The following OR5H14 variants were observed in gnomAD, a reference collection of about 807,000 sequenced individuals.
OR5H14 encodes olfactory receptor family 5 subfamily H member 14, also known as olfactory receptor 5H14.
For synonymous variants in OR5H14, 155 were observed against 130.6 expected, an observed-to-expected ratio of 1.19 and a Z score of -1.28; for missense variants, 392 against 363.9, an observed-to-expected ratio of 1.08 and a Z score of -0.63.
chr3:98,148,690 T>A (rs546076038), intron 1 of OR5H14, among the ~76,000 whole-genome samples: 1 of 152,076 alleles, frequency 6.6e-6, no homozygotes, highest in Non-Finnish European at 1.5e-5. Context: ...ATATCACACA[T>A]GGACTAGACA....
chr3:98,151,521 C>G lies in OR5H14; in HGVS notation c.*1203C>G, dbSNP rs891116663. On this transcript the variant is annotated 3_prime_UTR_variant, in exon 2 of 2. Coordinates refer to ENST00000641380, the MANE Select transcript of OR5H14 (RefSeq NM_001005514.2). ...CGTTTTGCAAACCTCTAGTTATTTCCTCCACCCTTCTAGCACTCATTCATT... is the reference window on the plus strand; with the variant it reads ...CGTTTTGCAAACCTCTAGTTATTTCGTCCACCCTTCTAGCACTCATTCATT... 2.0e-5 allele frequency: 3 copies of G among 151,968 alleles called. No homozygotes were observed. Among genetic ancestry groups the G allele is most frequent in the Non-Finnish European group, 2.9e-5 (2 of 67,976 alleles). 9.4% of individuals were successfully genotyped at this position (151,968 alleles called of 1,614,324 possible). A position where few individuals can be genotyped will look rare whatever the true frequency, so the allele number is the denominator to read the frequency against.
chr3:98,150,073 T>A lies in OR5H14; in HGVS notation c.688T>A (p.Ser230Thr). 1 of 1,611,210 alleles carries A rather than the reference T, an allele frequency of 6.2e-7. No homozygotes were observed. The highest frequency in any genetic ancestry group is 1.1e-5 in the South Asian group (1 of 90,760). Reference sequence around the variant, plus strand: ...CCTCTATACAATCTTGAAAAAGAAGTCTGTCAAAGGTATGAGAAAAGCCTT... The same window carrying A: ...CCTCTATACAATCTTGAAAAAGAAGACTGTCAAAGGTATGAGAAAAGCCTT... ...FVLYTILKKK[S>T]VKGMRKAFST... The change falls in exon 2 of 2, where the codon TCT (serine) becomes ACT (threonine). Residue 230 changes from serine (S) to threonine (T), a missense_variant. Ser to Thr is a moderately conservative substitution (Grantham distance 58). Transcript: ENST00000641380.
chr3:98,148,986 G>A (rs1414107540), intron 1 of OR5H14, among the ~76,000 whole-genome samples: 1 of 151,968 alleles, frequency 6.6e-6, no homozygotes, highest in East Asian at 1.9e-4. Context: ...AAAGTATTTG[G>A]TGCATTCTTA....
rs1278277306 is a variant in OR5H14, at chr3:98,155,748, CT to C, written c.*5431del. ...TATTAAAATCATATTTTGACCAGCT[CT>C]GATGAGACCATATTAATCACAGCAT... On this transcript the variant is annotated 3_prime_UTR_variant, in exon 2 of 2. Coordinates refer to ENST00000641380, the MANE Select transcript of OR5H14 (RefSeq NM_001005514.2). The C allele has an allele frequency of 1.3e-5, 2 of 152,146 alleles. No individual in the cohort carries two copies. Among genetic ancestry groups the C allele is most frequent in the Non-Finnish European group, 2.9e-5 (2 of 68,014 alleles). The allele number at this position is 152,146 out of a possible 1,614,324, so 9.4% of individuals were successfully genotyped here.
chr3:98,150,358 C>T lies in OR5H14; in HGVS notation c.*40C>T, dbSNP rs1287538295. 2 of 1,359,100 alleles carry T rather than the reference C, an allele frequency of 1.5e-6. No individual in the cohort carries two copies. Among genetic ancestry groups the T allele is most frequent in the Non-Finnish European group, 2.0e-6 (2 of 1,018,194 alleles). 84.2% of individuals were successfully genotyped at this position (1,359,100 alleles called of 1,614,324 possible). A position where few individuals can be genotyped will look rare whatever the true frequency, so the allele number is the denominator to read the frequency against. On this transcript the variant is annotated 3_prime_UTR_variant, in exon 2 of 2. Transcript: ENST00000641380. Reference sequence around the variant, plus strand: ...CTCTTTTCTATTTACTAAAATGTCACAAAATTGTGCAAATTAGAGGTACCT... The same window carrying T: ...CTCTTTTCTATTTACTAAAATGTCATAAAATTGTGCAAATTAGAGGTACCT...
At position 98,149,776 on chromosome 3, in the gene OR5H14, C is replaced by A. The variant is rs1708474122; in HGVS notation, c.391C>A (p.Leu131Ile). Reference protein sequence around the residue: ...DRYVAICKPLLYPAIMTNGLC... With the variant: ...DRYVAICKPLIYPAIMTNGLC... The stretch of plus-strand genomic sequence containing the variant: ...CTATGTAGCCATATGCAAACCCTTA[C>A]TTTATCCAGCCATTATGACCAATGG... The change falls in exon 2 of 2, where the codon CTT (leucine) becomes ATT (isoleucine). Residue 131 changes from leucine to isoleucine, a missense_variant. Transcript: ENST00000641380. The A allele has an allele frequency of 6.2e-7, 1 of 1,612,554 alleles. No homozygotes were observed. Among genetic ancestry groups the A allele is most frequent in the Admixed American group, 1.7e-5 (1 of 59,908 alleles).
chr3:98,148,657 G>T lies in OR5H14; in HGVS notation c.-18-711G>T, dbSNP rs532712358. Among the ~76,000 whole-genome samples, 5 of 151,412 alleles carry T rather than the reference G, an allele frequency of 3.3e-5. No individual in the cohort carries two copies. The South Asian group carries it at 1.0e-3, about 31-fold the overall frequency. On this transcript the variant is annotated intron_variant, in intron 1 of 1. Coordinates refer to ENST00000641380, the MANE Select transcript of OR5H14 (RefSeq NM_001005514.2). Reference sequence around the variant, plus strand: ...TGGATTCCTTGGAATCTATTTCTTTGTCTTACCATCTCTTCCAATGTAATA... The same window carrying T: ...TGGATTCCTTGGAATCTATTTCTTTTTCTTACCATCTCTTCCAATGTAATA...
chr3:98,147,553 G>A lies in OR5H14; in HGVS notation c.-20G>A, dbSNP rs999406835. On this transcript the variant is annotated splice_region_variant and 5_prime_UTR_variant, in exon 1 of 2. An upstream start codon of the reference 5' UTR is lost. Transcript: ENST00000641380. ...TATCCACAATTTCTTTCAAAAATAT[G>A]GGTAAGGAAGAAATAATTTTTGTAA... 1.3e-5 allele frequency: 2 copies of A among 152,008 alleles called. No homozygotes were observed. Among genetic ancestry groups the A allele is most frequent in the African/African-American group, 4.8e-5 (2 of 41,414 alleles). The allele number at this position is 152,008 out of a possible 1,614,324, so 9.4% of individuals were successfully genotyped here.
At chr3:98,148,706 C>T (rs115076945) in intron 1 of OR5H14, among the ~76,000 whole-genome samples, 1,974 of 152,134 alleles carry the variant, frequency 0.013, 53 homozygotes, top group African/African-American at 0.044. Context: ...AGACATCTAG[C>T]ATTCATTTGA....
In OR5H14 at chr3:98,150,340, C is replaced by T. The variant is rs1165502632; in HGVS notation, c.*22C>T. The T allele has an allele frequency of 3.6e-5, 52 of 1,444,066 alleles. No homozygotes were observed. The highest frequency in any genetic ancestry group is 4.5e-5 in the Non-Finnish European group (49 of 1,081,736). The allele number at this position is 1,444,066 out of a possible 1,614,324, so 89.5% of individuals were successfully genotyped here. A position where few individuals can be genotyped will look rare whatever the true frequency, so the allele number is the denominator to read the frequency against. ...TTAGATCATTACTAATATCTCTTTTCTATTTACTAAAATGTCACAAAATTG... is the reference window on the plus strand; with the variant it reads ...TTAGATCATTACTAATATCTCTTTTTTATTTACTAAAATGTCACAAAATTG... On this transcript the variant is annotated 3_prime_UTR_variant, in exon 2 of 2. Coordinates refer to ENST00000641380, the MANE Select transcript of OR5H14 (RefSeq NM_001005514.2).
Position 98,152,875 on chromosome 3 carries a change from C to G in OR5H14, c.*2557C>G, listed in dbSNP as rs552823576. 2.0e-5 allele frequency: 2 copies of G among 98,190 alleles called. No homozygotes were observed. The highest frequency in any genetic ancestry group is 4.2e-5 in the Non-Finnish European group (2 of 47,788). The allele number at this position is 98,190 out of a possible 1,614,324, so 6.1% of individuals were successfully genotyped here. A position where few individuals can be genotyped will look rare whatever the true frequency, so the allele number is the denominator to read the frequency against. ...GGGTTTCTGTGTGCTTAGGTAGAAA[C>G]CCATTTTGCTGGAGCCACCTCAGCC... On this transcript the variant is annotated 3_prime_UTR_variant, in exon 2 of 2. Coordinates refer to ENST00000641380, the MANE Select transcript of OR5H14 (RefSeq NM_001005514.2).
Position 98,149,933 on chromosome 3 carries a change from C to G in OR5H14, c.548C>G (p.Pro183Arg), listed in dbSNP as rs1708480204. ...CAACACTTTTACTGTGACATTATCC[C>G]ATTGTTAAAGATTTCTTATACTGAT... ...IIQHFYCDII[P>R]LLKISYTDSS... is the part of the protein sequence containing the mutation. The change falls in exon 2 of 2, where the codon CCA (proline) becomes CGA (arginine). Residue 183 changes from proline (P) to arginine (R), a missense_variant. By Grantham distance (103) the Pro-to-Arg change is moderately radical. Transcript: ENST00000641380. 6.2e-7 allele frequency: 1 copy of G among 1,613,402 alleles called. No homozygotes were observed. Among genetic ancestry groups the G allele is most frequent in the East Asian group, 2.2e-5 (1 of 44,832 alleles).
Position 98,154,090 on chromosome 3 carries a change from G to C in OR5H14, c.*3772G>C, listed in dbSNP as rs1260520455. 6.6e-6 allele frequency: 1 copy of C among 152,148 alleles called. No homozygotes were observed. The highest frequency in any genetic ancestry group is 2.4e-5 in the African/African-American group (1 of 41,438). The allele number at this position is 152,148 out of a possible 1,614,324, so 9.4% of individuals were successfully genotyped here. On this transcript the variant is annotated 3_prime_UTR_variant, in exon 2 of 2. Coordinates refer to ENST00000641380, the MANE Select transcript of OR5H14 (RefSeq NM_001005514.2). The stretch of plus-strand genomic sequence containing the variant: ...AATAGGACAAGTATTTTCTATGCCT[G>C]AACTCAACATGAATTGACCAGAATG...
At position 98,152,774 on chromosome 3, in the gene OR5H14, C is replaced by T. The variant is rs1559808906; in HGVS notation, c.*2456C>T. 1 of 152,060 alleles carries T rather than the reference C, an allele frequency of 6.6e-6. No individual in the cohort carries two copies. The highest frequency in any genetic ancestry group is 1.5e-5 in the Non-Finnish European group (1 of 68,008). 9.4% of individuals were successfully genotyped at this position (152,060 alleles called of 1,614,324 possible). A position where few individuals can be genotyped will look rare whatever the true frequency, so the allele number is the denominator to read the frequency against. On this transcript the variant is annotated 3_prime_UTR_variant, in exon 2 of 2. Transcript: ENST00000641380. ...TGGCACATGTGTACCTATGTAACAA[C>T]CTGCACATGTATCCCAGAACTTAAA...
chr3:98,149,632 A>T lies in OR5H14; in HGVS notation c.247A>T (p.Ile83Phe), dbSNP rs750637837. Residue 83 changes from isoleucine to phenylalanine, a missense_variant, in exon 2 of 2, where the codon ATC (isoleucine) becomes TTC (phenylalanine). Transcript: ENST00000641380. Reference protein sequence around the residue: ...LSSSVTLKMLINFLAKSKMIS... With the variant: ...LSSSVTLKMLFNFLAKSKMIS... ...ATCCTCAGTGACTCTGAAGATGCTGATCAACTTCTTAGCTAAGAGTAAGAT... is the reference window on the plus strand; with the variant it reads ...ATCCTCAGTGACTCTGAAGATGCTGTTCAACTTCTTAGCTAAGAGTAAGAT... 1 of 1,613,498 alleles carries T rather than the reference A, an allele frequency of 6.2e-7. No homozygotes were observed. Among genetic ancestry groups the T allele is most frequent in the African/African-American group, 1.3e-5 (1 of 74,884 alleles).
At chr3:98,149,245 TATA>T (rs1708462984) in intron 1 of OR5H14, 120 bp from the exon 2 acceptor site, 2 of 1,057,492 alleles carry the variant, frequency 1.9e-6, no homozygotes, top group Non-Finnish European at 2.7e-6. Context: ...ATTTCTTATT[TATA>T]ATAATGATCA....
In OR5H14 at chr3:98,150,237, A is replaced by G. The variant is rs146590101; in HGVS notation, c.852A>G (p.Leu284=). 797 of 1,610,922 alleles carry G rather than the reference A, an allele frequency of 4.9e-4. 1 individual carries two copies. The highest frequency in any genetic ancestry group is 1.5e-3 in the Middle Eastern group (9 of 6,040). Residue 284 remains leucine (L), a synonymous_variant, in exon 2 of 2, where the codon TTA becomes TTG. Coordinates refer to ENST00000641380, the MANE Select transcript of OR5H14 (RefSeq NM_001005514.2). ...ESLFYTVIVP[L]LNPMIYSLRN... The stretch of plus-strand genomic sequence containing the variant: ...TATTTTACACTGTCATAGTTCCTTT[A>G]TTAAATCCCATGATCTACAGCCTGA...
rs1471911032 is a variant in OR5H14 at position 98,151,208 on chromosome 3, C to A, written c.*890C>A. ...GTGATGTTACAAGGTTATTGGAATGCGTTATTGACAATCAGGGGCTTTAAA... is the reference window on the plus strand; with the variant it reads ...GTGATGTTACAAGGTTATTGGAATGAGTTATTGACAATCAGGGGCTTTAAA... On this transcript the variant is annotated 3_prime_UTR_variant, in exon 2 of 2. Transcript: ENST00000641380. 1 of 151,978 alleles carries A rather than the reference C, an allele frequency of 6.6e-6. No homozygotes were observed. The highest frequency in any genetic ancestry group is 2.4e-5 in the African/African-American group (1 of 41,374). 9.4% of individuals were successfully genotyped at this position (151,978 alleles called of 1,614,324 possible).
rs1225263716 is a variant in OR5H14, at chr3:98,155,073, A to C, written c.*4755A>C. ...CCTGAATTCTGATAAATCAGCTGGC[A>C]ACATTCAGAATGGTAAAAGGACTCC... is the stretch of plus-strand genomic sequence containing the variant. On this transcript the variant is annotated 3_prime_UTR_variant, in exon 2 of 2. Coordinates refer to ENST00000641380, the MANE Select transcript of OR5H14 (RefSeq NM_001005514.2). The C allele has an allele frequency of 6.6e-6, 1 of 152,228 alleles. No individual in the cohort carries two copies. The highest frequency in any genetic ancestry group is 1.5e-5 in the Non-Finnish European group (1 of 68,036). The allele number at this position is 152,228 out of a possible 1,614,324, so 9.4% of individuals were successfully genotyped here. A position where few individuals can be genotyped will look rare whatever the true frequency, so the allele number is the denominator to read the frequency against.
Sources: allele counts gnomAD v4.1 joint callset (sites outside exome capture counted in the v4.1 genomes callset), GRCh38; gene constraint gnomAD v4.1.1; transcripts MANE v1.5; gene names NCBI Gene and HGNC (gene_info 2026-07-23, HGNC 2026-07-21).